The following LRMDA variants were observed in gnomAD, a reference collection of about 807,000 sequenced individuals.
The protein encoded by LRMDA is leucine rich melanocyte differentiation associated.
Under a neutral mutation model 29.8 loss-of-function variants are expected in LRMDA, and 18 were observed. That is an observed-to-expected ratio of 0.60 (90% CI 0.42 to 0.90). The LOEUF (loss-of-function observed/expected upper bound fraction) is 0.90, where lower values mean the gene tolerates loss of function less well. Among genes scored for constraint, LRMDA ranks in the 40% least tolerant of loss-of-function variants. The pLI, the probability that LRMDA is intolerant of heterozygous loss-of-function variation, is 0.00. For synonymous variants in LRMDA, 125 were observed against 109.4 expected (o/e 1.14, Z -0.89); for missense variants, 273 against 273.9 (o/e 1.00, Z 0.02).
intron 6 of LRMDA, among the ~76,000 whole-genome samples, chr10:76,344,277 C>A (rs76528707): frequency 0.11 from 16,034 of 151,770 alleles, 998 homozygotes; most frequent in East Asian, 0.32. Flanking sequence ...ACTTCATTTA[C>A]AAAAGCAACA....
At chr10:75,728,056 C>A (rs1218393200) in intron 2 of LRMDA, among the ~76,000 whole-genome samples, 1 of 152,112 alleles carries the variant, frequency 6.6e-6, no homozygotes, top group East Asian at 1.9e-4. Flanking sequence ...TCATAACAAC[C>A]CTCTGGGGGA....
chr10:75,684,756 AAG>A (rs1256281288), intron 2 of LRMDA, among the ~76,000 whole-genome samples: 1 of 152,212 alleles, frequency 6.6e-6, no homozygotes, highest in African/African-American at 2.4e-5. Context: ...GAATGGGCCA[AAG>A]AGAAATTGTT....
intron 2 of LRMDA, among the ~76,000 whole-genome samples, chr10:75,873,549 G>T (rs1283802619): frequency 1.3e-5 from 2 of 152,194 alleles, no homozygotes; most frequent in African/African-American, 4.8e-5. Context: ...CAATGTTTTT[G>T]TGGTAAACCT....
intron 2 of LRMDA, among the ~76,000 whole-genome samples, chr10:75,929,793 C>G (rs1417476737): frequency 6.6e-6 from 1 of 152,164 alleles, no homozygotes; most frequent in Non-Finnish European, 1.5e-5. Flanking sequence ...CCCAACCACT[C>G]TTTTCCCAAA....
At chr10:75,433,144 CT>C (rs1844222904) in intron 1 of LRMDA, among the ~76,000 whole-genome samples, 1 of 152,044 alleles carries the variant, frequency 6.6e-6, no homozygotes, top group Non-Finnish European at 1.5e-5. Flanking sequence ...ACAAGAGGGT[CT>C]TTTCCTTCTC....
chr10:76,068,186 A>G (rs1162581219), intron 5 of LRMDA, among the ~76,000 whole-genome samples: 2 of 152,216 alleles, frequency 1.3e-5, no homozygotes, highest in African/African-American at 2.4e-5. Flanking sequence ...ACCTGCTACT[A>G]TAGGTAATAG....
At chr10:75,463,093 T>C (rs1341103957) in intron 2 of LRMDA, among the ~76,000 whole-genome samples, 1 of 152,118 alleles carries the variant, frequency 6.6e-6, no homozygotes, top group Non-Finnish European at 1.5e-5. Context: ...GATCTGAGGG[T>C]GGAGGAATGC....
rs542897199 is a variant in LRMDA at position 76,019,257 on chromosome 10, T to A, written c.132-16751T>A. Among the ~76,000 whole-genome samples the A allele has an allele frequency of 2.6e-5, 4 of 152,310 alleles. No homozygotes were observed. In the South Asian group the frequency reaches 8.3e-4, roughly 32 times the overall value. On this transcript the variant is annotated intron_variant, in intron 2 of 6. Coordinates refer to ENST00000611255, the MANE Select transcript of LRMDA (RefSeq NM_001305581.2). ...GCCACTCCTTATTGTCATATGTGCA[T>A]TTGTTGTATTGCAGCATTTCTAAGA...
intron 5 of LRMDA, among the ~76,000 whole-genome samples, chr10:76,151,124 C>T (rs181448427): frequency 4.6e-5 from 7 of 152,238 alleles, no homozygotes; most frequent in Non-Finnish European, 1.0e-4. Flanking sequence ...CAAGGGGGCT[C>T]CTCCAACCTA....
intron 2 of LRMDA, among the ~76,000 whole-genome samples, chr10:76,034,801 A>C (rs960153489): frequency 2.6e-5 from 4 of 152,132 alleles, no homozygotes; most frequent in Admixed American, 2.6e-4. Flanking sequence ...CATTTTATAG[A>C]ATAGCCCGGC....
chr10:75,735,024 T>G (rs940621776), intron 2 of LRMDA, among the ~76,000 whole-genome samples: 11 of 152,206 alleles, frequency 7.2e-5, no homozygotes. Flanking sequence ...ATGATGATGA[T>G]TGTAGATTGT....
chr10:76,210,173 T>G lies in LRMDA; in HGVS notation c.517-114228T>G, dbSNP rs1461728518. ...TCAATCAGTTAAAAATACACAAAAT[T>G]AAGCATTTCACACAGTGTCCAACCC... On this transcript the variant is annotated intron_variant, in intron 5 of 6. Coordinates refer to ENST00000611255, the MANE Select transcript of LRMDA (RefSeq NM_001305581.2). 2.6e-5 allele frequency among the ~76,000 whole-genome samples: 4 copies of G among 152,244 alleles called. No individual in the cohort carries two copies. The South Asian group carries it at 8.3e-4, about 32-fold the overall frequency.
chr10:75,784,470 C>T (rs566924439), intron 2 of LRMDA, among the ~76,000 whole-genome samples: 115 of 152,072 alleles, frequency 7.6e-4, no homozygotes, highest in South Asian at 3.1e-3. Context: ...GAGGCTGAGG[C>T]GGGAGGATCA....
At chr10:75,984,282 G>A (rs1480072220) in intron 2 of LRMDA, among the ~76,000 whole-genome samples, 1 of 151,398 alleles carries the variant, frequency 6.6e-6, no homozygotes, top group Non-Finnish European at 1.5e-5. Context: ...TGCCCTGCGG[G>A]GAGGATATCC....
intron 6 of LRMDA, among the ~76,000 whole-genome samples, chr10:76,534,755 C>T (rs115221826): frequency 0.015 from 2,352 of 152,136 alleles, 71 homozygotes; most frequent in African/African-American, 0.053. Flanking sequence ...TGTCACCTTG[C>T]GGGGGTATAT....
chr10:75,972,968 G>A (rs1005355452), intron 2 of LRMDA, among the ~76,000 whole-genome samples: 1 of 151,962 alleles, frequency 6.6e-6, no homozygotes, highest in Admixed American at 6.6e-5. Flanking sequence ...CTACACTGGG[G>A]AAATTAAGAC....
intron 5 of LRMDA, among the ~76,000 whole-genome samples, chr10:76,200,337 G>T (rs1415362131): frequency 1.3e-5 from 2 of 152,154 alleles, no homozygotes; most frequent in African/African-American, 4.8e-5. Flanking sequence ...TGATAGAAAC[G>T]TTAGAGAGTG....
chr10:76,317,960 G>A (rs1840721055), intron 5 of LRMDA, among the ~76,000 whole-genome samples: 1 of 152,098 alleles, frequency 6.6e-6, no homozygotes, highest in Admixed American at 6.5e-5. Flanking sequence ...TTATTTTAAT[G>A]TTTACCATGT....
chr10:76,441,709 C>T (rs893720164), intron 6 of LRMDA, among the ~76,000 whole-genome samples: 3 of 152,178 alleles, frequency 2.0e-5, no homozygotes, highest in Admixed American at 6.5e-5. Context: ...CCTCTCCTCT[C>T]CCCAGCTGTG....
Sources: allele counts gnomAD v4.1 joint callset (sites outside exome capture counted in the v4.1 genomes callset), GRCh38; gene constraint gnomAD v4.1.1; transcripts MANE v1.5; gene names NCBI Gene and HGNC (gene_info 2026-07-23, HGNC 2026-07-21).